The following SLC24A2 variants were observed in gnomAD, a reference collection of about 807,000 sequenced individuals.
SLC24A2 encodes solute carrier family 24 member 2, also known as sodium/potassium/calcium exchanger 2.
In SLC24A2, 36 loss-of-function variants were observed where a neutral mutation model predicts 62.0. The ratio of observed to expected loss-of-function variants is 0.58; its 90% confidence interval spans 0.44 to 0.77. The LOEUF (loss-of-function observed/expected upper bound fraction) is 0.77, where lower values mean the gene tolerates loss of function less well. Ranked by LOEUF, SLC24A2 falls within the 30% of genes least tolerant of loss-of-function variation. The pLI is 0.00. For synonymous variants in SLC24A2, 358 were observed against 294.0 expected, an observed-to-expected ratio of 1.22 and a Z score of -2.23; for missense variants, 846 against 817.9, an observed-to-expected ratio of 1.03 and a Z score of -0.42.
chr9:19,844,471 T>C, the SLC24A2 span, among the ~76,000 whole-genome samples: 1 of 152,200 alleles, frequency 6.6e-6, no homozygotes, highest in African/African-American at 2.4e-5. Flanking sequence ...GGCTGTCTGT[T>C]TACTCATATG....
At chr9:20,296,149 A>T in the SLC24A2 span, among the ~76,000 whole-genome samples, 2 of 152,256 alleles carry the variant, frequency 1.3e-5, no homozygotes, top group Non-Finnish European at 2.9e-5. Context: ...GCAATAGCCA[A>T]GCAATATCCA....
At chr9:20,230,932 A>T in the SLC24A2 span, among the ~76,000 whole-genome samples, 3 of 152,216 alleles carry the variant, frequency 2.0e-5, no homozygotes, top group African/African-American at 7.2e-5. Context: ...GAAGTGATCC[A>T]GTCTCAGCTT....
At chr9:20,150,851 G>C in the SLC24A2 span, among the ~76,000 whole-genome samples, 1 of 151,876 alleles carries the variant, frequency 6.6e-6, no homozygotes, top group Non-Finnish European at 1.5e-5. Context: ...TATAGAGAAA[G>C]AGACAAAGAG....
At chr9:19,851,028 T>TATATATATATATA in the SLC24A2 span, among the ~76,000 whole-genome samples, 415 of 61,100 alleles carry the variant, frequency 6.8e-3, 12 homozygotes, top group African/African-American at 0.016. Flanking sequence ...TATATACATA[T>TATATATATATATA]TTTTTTTTTT....
the SLC24A2 span, among the ~76,000 whole-genome samples, chr9:19,906,340 A>C: frequency 1.4e-4 from 22 of 151,862 alleles, no homozygotes; most frequent in Admixed American, 2.6e-4. Context: ...GTGTAGAGGG[A>C]AATTTATAGC....
the SLC24A2 span, among the ~76,000 whole-genome samples, chr9:20,031,367 ATAT>A: frequency 2.1e-5 from 3 of 146,050 alleles, no homozygotes; most frequent in Admixed American, 6.8e-5. Flanking sequence ...ATATATATAT[ATAT>A]ATATAATTTT....
At chr9:20,084,559 C>T in the SLC24A2 span, among the ~76,000 whole-genome samples, 1 of 142,160 alleles carries the variant, frequency 7.0e-6, no homozygotes, top group South Asian at 2.6e-4. Flanking sequence ...TAAACATTCA[C>T]CATATCCCAC....
chr9:20,041,942 C>A, the SLC24A2 span, among the ~76,000 whole-genome samples: 1 of 152,256 alleles, frequency 6.6e-6, no homozygotes, highest in African/African-American at 2.4e-5. Flanking sequence ...TTTCTGTCCC[C>A]TCAGGTGCCA....
chr9:19,843,676 C>A, the SLC24A2 span, among the ~76,000 whole-genome samples: 4 of 152,132 alleles, frequency 2.6e-5, no homozygotes, highest in African/African-American at 9.7e-5. Context: ...TGTCTCCCAT[C>A]CATCCCTCCC....
intron 7 of SLC24A2, among the ~76,000 whole-genome samples, chr9:19,569,203 T>C (rs1835766596): frequency 6.6e-6 from 1 of 152,218 alleles, no homozygotes; most frequent in Non-Finnish European, 1.5e-5. Context: ...TATTGCTTCC[T>C]GTTTAAAAAA....
chr9:19,915,380 T>C, the SLC24A2 span, among the ~76,000 whole-genome samples: 1 of 152,174 alleles, frequency 6.6e-6, no homozygotes, highest in East Asian at 1.9e-4. Flanking sequence ...TTGTGAATAA[T>C]GTCCCTATGA....
chr9:19,575,519 G>T (rs1479076080), intron 6 of SLC24A2, among the ~76,000 whole-genome samples: 1 of 152,218 alleles, frequency 6.6e-6, no homozygotes, highest in African/African-American at 2.4e-5. Flanking sequence ...TACACAGCAG[G>T]CTGAAGGTTC....
intron 2 of SLC24A2, among the ~76,000 whole-genome samples, chr9:19,775,309 A>G (rs1013061093): frequency 6.6e-6 from 1 of 152,174 alleles, no homozygotes; most frequent in African/African-American, 2.4e-5. Flanking sequence ...TCTCTGCTTC[A>G]CCCACATTTC....
chr9:19,784,653 G>A (rs1421074670), intron 2 of SLC24A2, among the ~76,000 whole-genome samples: 1 of 152,150 alleles, frequency 6.6e-6, no homozygotes, highest in Admixed American at 6.6e-5. Context: ...AACTTCCAAT[G>A]ATGGTCCTAT....
chr9:20,208,118 ATT>A, the SLC24A2 span, among the ~76,000 whole-genome samples: 71 of 152,216 alleles, frequency 4.7e-4, 1 homozygote, highest in Admixed American at 4.6e-3. Context: ...GTGATACATC[ATT>A]ATCAGGGAAG....
At chr9:19,526,846 G>C (rs1177966492) in intron 9 of SLC24A2, among the ~76,000 whole-genome samples, 1 of 132,324 alleles carries the variant, frequency 7.6e-6, no homozygotes, top group East Asian at 2.9e-4. Flanking sequence ...TTTTAATTTT[G>C]ATGAAATTAA....
At chr9:20,245,729 G>C in the SLC24A2 span, among the ~76,000 whole-genome samples, 1 of 152,220 alleles carries the variant, frequency 6.6e-6, no homozygotes, top group South Asian at 2.1e-4. Context: ...GATCTGGAGA[G>C]AAAAAGTAGA....
chr9:20,036,848 G>A, the SLC24A2 span, among the ~76,000 whole-genome samples: 1 of 151,824 alleles, frequency 6.6e-6, no homozygotes, highest in Admixed American at 6.6e-5. Flanking sequence ...GTATATATAT[G>A]TGTGTGTGTA....
chr9:19,764,078 A>G (rs1233145966), intron 2 of SLC24A2, among the ~76,000 whole-genome samples: 1 of 152,146 alleles, frequency 6.6e-6, no homozygotes, highest in Admixed American at 6.5e-5. Context: ...CATGTCTTCT[A>G]GATTTTCTAT....
Sources: allele counts gnomAD v4.1 joint callset (sites outside exome capture counted in the v4.1 genomes callset), GRCh38; gene constraint gnomAD v4.1.1; transcripts MANE v1.5; gene names NCBI Gene and HGNC (gene_info 2026-07-23, HGNC 2026-07-21).